Variants in HYOU1 observed in about 807,000 individuals in gnomAD.
HYOU1 encodes the protein hypoxia up-regulated protein 1.
A neutral mutation model predicts 120.5 loss-of-function variants in HYOU1; 40 were observed. That is an observed-to-expected ratio of 0.33 (90% CI 0.26 to 0.43). HYOU1 has a LOEUF of 0.43. Among genes scored for constraint, HYOU1 ranks in the 20% least tolerant of loss-of-function variants. HYOU1 has a pLI of 1.00. For missense variants in HYOU1, 1,085 were observed against 1,278.3 expected (o/e 0.85, Z 2.31); for synonymous variants, 501 against 479.4 (o/e 1.05, Z -0.59).
At chr11:119,054,945 G>C (rs2133608777) in intron 6 of HYOU1, 39 bp downstream of exon 6, 6 of 1,587,560 alleles carry the variant, frequency 3.8e-6, no homozygotes, top group South Asian at 3.3e-5. Flanking sequence ...CCTAGATCCT[G>C]GGGAGCCTGG....
chr11:119,047,825 G>A lies in HYOU1; in HGVS notation c.2511-7C>T, dbSNP rs2133558626. On this transcript the variant is annotated splice_polypyrimidine_tract_variant and splice_region_variant and intron_variant, in intron 21 of 25. Coordinates refer to ENST00000617285, the MANE Select transcript of HYOU1 (RefSeq NM_006389.5). ...TGGGATGAGCCGGGCCCCCCTGGAA[G>A]CCAGAAAGGAGACCATTAGCCCCAG... The A allele has an allele frequency of 8.4e-3, 13,569 of 1,613,754 alleles. 803 individuals carry two copies. In the African/African-American group the frequency reaches 0.14, roughly 17 times the overall value.
rs1448062834 is a variant in HYOU1, at chr11:119,054,480, C to G, written c.678+14G>C. On this transcript the variant is annotated intron_variant, in intron 7 of 25. Transcript: ENST00000617285. ...AGTCACCCTGCATGTCTGGTCAAGGCTCCCCTGGCTCACCTGGGCAGTGGT... is the reference window on the plus strand; with the variant it reads ...AGTCACCCTGCATGTCTGGTCAAGGGTCCCCTGGCTCACCTGGGCAGTGGT... The G allele has an allele frequency of 6.2e-7, 1 of 1,613,548 alleles. No individual in the cohort carries two copies. The highest frequency in any genetic ancestry group is 8.5e-7 in the Non-Finnish European group (1 of 1,179,552).
chr11:119,054,379 G>T, intron 7 of HYOU1, 115 bp downstream of exon 7: 1 of 1,238,892 alleles, frequency 8.1e-7, no homozygotes, highest in Non-Finnish European at 1.2e-6. Flanking sequence ...GAGGCTATTG[G>T]TGCATTTTGC....
At position 119,052,933 on chromosome 11, in the gene HYOU1, G is replaced by T; in HGVS notation, c.795-104C>A. Reference sequence around the variant, plus strand: ...CATGGCACCTTTCCTTCATCTCAGGGGACCTTGTTCATCTCCAGTGCCCCA... The same window carrying T: ...CATGGCACCTTTCCTTCATCTCAGGTGACCTTGTTCATCTCCAGTGCCCCA... On this transcript the variant is annotated intron_variant, in intron 8 of 25. Coordinates refer to ENST00000617285, the MANE Select transcript of HYOU1 (RefSeq NM_006389.5). The surrounding 1 kb of genome is among the most constrained non-coding windows in gnomAD (Gnocchi z 5.0). 1 of 1,109,318 alleles carries T rather than the reference G, an allele frequency of 9.0e-7. No individual in the cohort carries two copies. The highest frequency in any genetic ancestry group is 1.6e-5 in the South Asian group (1 of 62,514). The allele number at this position is 1,109,318 out of a possible 1,614,324, so 68.7% of individuals were successfully genotyped here.
At position 119,045,524 on chromosome 11, in the gene HYOU1, C is replaced by A; in HGVS notation, c.*69G>T. The A allele has an allele frequency of 7.3e-7, 1 of 1,372,446 alleles. No homozygotes were observed. 85.0% of individuals were successfully genotyped at this position (1,372,446 alleles called of 1,614,324 possible). A position where few individuals can be genotyped will look rare whatever the true frequency, so the allele number is the denominator to read the frequency against. ...GGCAGGACCAACCCCTCCCCCAACCCTCGATGTTAAATAAATAGAAGTGGT... is the reference window on the plus strand; with the variant it reads ...GGCAGGACCAACCCCTCCCCCAACCATCGATGTTAAATAAATAGAAGTGGT... On this transcript the variant is annotated 3_prime_UTR_variant, in exon 26 of 26. Transcript: ENST00000617285.
intron 8 of HYOU1, chr11:119,053,871 G>T: frequency 2.4e-6 from 1 of 412,108 alleles, no homozygotes; most frequent in Non-Finnish European, 4.4e-6. Flanking sequence ...CCTACATATT[G>T]CCTGCGGCTC....
rs114912333 is a variant in HYOU1 at position 119,045,029 on chromosome 11, G to C, written c.*564C>G. On this transcript the variant is annotated 3_prime_UTR_variant, in exon 26 of 26. Transcript: ENST00000617285. ...TGCTGCAGGAAGCCAAGGAAACCCAGGGGGAAAGGAGCTGGATGGGAATGG... is the reference window on the plus strand; with the variant it reads ...TGCTGCAGGAAGCCAAGGAAACCCACGGGGAAAGGAGCTGGATGGGAATGG... The C allele has an allele frequency of 0.01, 4,399 of 429,440 alleles. 100 individuals are homozygous for C. Among genetic ancestry groups the C allele is most frequent in the African/African-American group, 0.061 (3,005 of 49,614 alleles). The allele number at this position is 429,440 out of a possible 1,614,324, so 26.6% of individuals were successfully genotyped here.
rs2133559710 is a variant in HYOU1 at position 119,047,947 on chromosome 11, T to C, written c.2510A>G (p.Lys837Arg). Residue 837 changes from lysine (K) to arginine (R), a missense_variant and splice_region_variant, in exon 21 of 26, where the codon AAG becomes AGG. Lys to Arg is a conservative substitution (Grantham distance 26). Coordinates refer to ENST00000617285, the MANE Select transcript of HYOU1 (RefSeq NM_006389.5). The part of the protein sequence containing the change: ...NLLNHSSMFL[K>R]GARLIPEMDQ... ...CAAAAAGGGTTCAGGGGCTGCTCAC[T>C]TGAGGAACATGCTGGAATGGTTGAG... 2 of 1,614,162 alleles carry C rather than the reference T, an allele frequency of 1.2e-6. No individual in the cohort carries two copies. Among genetic ancestry groups the C allele is most frequent in the South Asian group, 1.1e-5 (1 of 91,080 alleles).
Position 119,056,182 on chromosome 11 carries a change from G to A in HYOU1, c.-7-15C>T. 8 of 1,574,706 alleles carry A rather than the reference G, an allele frequency of 5.1e-6. No individual in the cohort carries two copies. The highest frequency in any genetic ancestry group is 1.1e-5 in the South Asian group (1 of 90,330). The stretch of plus-strand genomic sequence containing the variant: ...CCATAGTGCCCCTGGGGGAGGCGAA[G>A]AAAGAAAACACTTAAAACTGGATAC... On this transcript the variant is annotated splice_polypyrimidine_tract_variant and intron_variant, in intron 1 of 25. Coordinates refer to ENST00000617285, the MANE Select transcript of HYOU1 (RefSeq NM_006389.5).
rs201472881 is a variant in HYOU1 at position 119,047,818 on chromosome 11, C to A, written c.2511G>T (p.Lys837Asn). 1.1e-5 allele frequency: 18 copies of A among 1,613,848 alleles called. No homozygotes were observed. The highest frequency in any genetic ancestry group is 1.4e-5 in the Non-Finnish European group (16 of 1,180,022). Residue 837 changes from lysine (K) to asparagine (N), a missense_variant and splice_region_variant, in exon 22 of 26, where the codon AAG (lysine) becomes AAT (asparagine). Transcript: ENST00000617285. ...CCATCTCTGGGATGAGCCGGGCCCCCCTGGAAGCCAGAAAGGAGACCATTA... is the reference window on the plus strand; with the variant it reads ...CCATCTCTGGGATGAGCCGGGCCCCACTGGAAGCCAGAAAGGAGACCATTA... ...NLLNHSSMFLKGARLIPEMDQ... is the reference protein window; with the variant it reads ...NLLNHSSMFLNGARLIPEMDQ...
intron 1 of HYOU1, chr11:119,056,533 G>C (rs1252777010): frequency 2.6e-6 from 1 of 378,470 alleles, no homozygotes; most frequent in African/African-American, 2.1e-5. Flanking sequence ...AGGGATCCCC[G>C]CCCAGGGCTC....
chr11:119,045,877 G>C, intron 24 of HYOU1, 46 bp from the exon 25 acceptor site: 1 of 1,596,828 alleles, frequency 6.3e-7, no homozygotes, highest in Non-Finnish European at 8.5e-7. Flanking sequence ...GGGAGGAAGA[G>C]GCTAAGGGAA....
At position 119,051,768 on chromosome 11, in the gene HYOU1, A is replaced by G; in HGVS notation, c.1338+51T>C. 6.2e-7 allele frequency: 1 copy of G among 1,609,418 alleles called. No homozygotes were observed. On this transcript the variant is annotated intron_variant, in intron 12 of 25. Transcript: ENST00000617285. This position sits in a 1 kb window ranked among gnomAD's most constrained non-coding sequence, Gnocchi z 4.2. The stretch of plus-strand genomic sequence containing the variant: ...CAGAGCAGACAGAAGGGGAAACCCT[A>G]CTTGGGAGAGGTAAAGGGAGCTTGT...
chr11:119,052,080 CCA>C lies in HYOU1; in HGVS notation c.1205+8_1205+9del, dbSNP rs2133590135. ...AGAACTCAGCCAAGCGCTCTAGCCC[CCA>C]CACTCACTTGCCCACGGCCTTCAGC... is the stretch of plus-strand genomic sequence containing the variant. On this transcript the variant is annotated splice_region_variant and intron_variant, in intron 11 of 25. Transcript: ENST00000617285. The surrounding 1 kb of genome is among the most constrained non-coding windows in gnomAD (Gnocchi z 5.0). The C allele has an allele frequency of 1.3e-5, 21 of 1,614,148 alleles. No individual in the cohort carries two copies. Among genetic ancestry groups the C allele is most frequent in the Middle Eastern group, 1.6e-4 (1 of 6,062 alleles).
At chr11:119,054,338 A>G (rs1391629519) in intron 7 of HYOU1, 102 bp from the exon 8 acceptor site, 1 of 1,212,068 alleles carries the variant, frequency 8.3e-7, no homozygotes, top group East Asian at 2.4e-5. Flanking sequence ...CTCTTAACAC[A>G]AAACTAAACA....
rs2133568820 is a variant in HYOU1, at chr11:119,048,993, C to T, written c.1992+25G>A. The T allele has an allele frequency of 3.1e-6, 5 of 1,613,462 alleles. No individual in the cohort carries two copies. The highest frequency in any genetic ancestry group is 3.4e-6 in the Non-Finnish European group (4 of 1,179,396). On this transcript the variant is annotated intron_variant, in intron 17 of 25. Transcript: ENST00000617285. This position sits in a 1 kb window ranked among gnomAD's most constrained non-coding sequence, Gnocchi z 4.7. ...TGCTCCCTTAGCCTCTGGATCCACA[C>T]TGGCCTTCCTCTGCCACAGCTCACC...
Position 119,052,851 on chromosome 11 carries a change from G to GA in HYOU1, c.795-23dup. On this transcript the variant is annotated intron_variant, in intron 8 of 25. Coordinates refer to ENST00000617285, the MANE Select transcript of HYOU1 (RefSeq NM_006389.5). The surrounding 1 kb of genome is among the most constrained non-coding windows in gnomAD (Gnocchi z 5.0). ...AAATCTGTTGAGAAAAGGGAGCAGGGAAAAAAGTGAAGAACACATGGAGTC... is the reference window on the plus strand; with the variant it reads ...AAATCTGTTGAGAAAAGGGAGCAGGGAAAAAAAGTGAAGAACACATGGAGTC... 6.3e-7 allele frequency: 1 copy of GA among 1,596,362 alleles called. No individual in the cohort carries two copies. The highest frequency in any genetic ancestry group is 8.5e-7 in the Non-Finnish European group (1 of 1,171,650).
chr11:119,044,396 G>A lies in HYOU1; in HGVS notation c.*1197C>T, dbSNP rs1943954581. 6.6e-6 allele frequency: 1 copy of A among 151,664 alleles called. No homozygotes were observed. Among genetic ancestry groups the A allele is most frequent in the East Asian group, 1.9e-4 (1 of 5,150 alleles). The allele number at this position is 151,664 out of a possible 1,614,324, so 9.4% of individuals were successfully genotyped here. ...AAAAAAAGGAAAAGACAAAATGACT[G>A]ACACAGCCAGGTTCATTCTTGTCTT... On this transcript the variant is annotated 3_prime_UTR_variant, in exon 26 of 26. Transcript: ENST00000617285.
rs1043196731 is a variant in HYOU1, at chr11:119,048,482, C to T, written c.2247G>A (p.Glu749=). 5.0e-6 allele frequency: 8 copies of T among 1,614,022 alleles called. No homozygotes were observed. The East Asian group carries it at 1.8e-4, about 36-fold the overall frequency. Residue 749 remains glutamate (E), a synonymous_variant, in exon 19 of 26, where the codon GAG becomes GAA. Coordinates refer to ENST00000617285, the MANE Select transcript of HYOU1 (RefSeq NM_006389.5). This position sits in a 1 kb window ranked among gnomAD's most constrained non-coding sequence, Gnocchi z 4.7. ...CTGCCTCCTGCCCACTGACCTGGGT[C>T]TCAAATATGAATGCTTCCAAGCTGT... The part of the protein sequence containing the change: ...AANSLEAFIF[E]TQDKLYQPEY...
Sources: gnomAD v4.1 joint callset for allele counts on GRCh38, gnomAD v4.1.1 for gene constraint, Gnocchi (gnomAD v3.1) non-coding constraint, MANE v1.5 for transcripts, NCBI Gene and HGNC (gene_info 2026-07-23, HGNC 2026-07-21) for gene names.